Variants in ANO2 observed in about 807,000 individuals in gnomAD.
ANO2 encodes the protein anoctamin 2.
A neutral mutation model predicts 124.2 loss-of-function variants in ANO2; 101 were observed. The ratio of observed to expected loss-of-function variants is 0.81; its 90% CI spans 0.69 to 0.96. The LOEUF (loss-of-function observed/expected upper bound fraction) is 0.96. Among genes scored for constraint, ANO2 ranks in the 40% least tolerant of loss-of-function variants. The pLI is 0.00. For missense variants in ANO2, 1,293 were observed against 1,274.5 expected, an observed-to-expected ratio of 1.01 and a Z score of -0.22; for synonymous variants, 486 against 482.5, an observed-to-expected ratio of 1.01 and a Z score of -0.09.
intron 14 of ANO2, among the ~76,000 whole-genome samples, chr12:5,662,860 C>T (rs1284049591): frequency 6.6e-6 from 1 of 152,148 alleles, no homozygotes; most frequent in Admixed American, 6.6e-5. Context: ...CCAAAAAAGG[C>T]AAGTTGGGTA....
chr12:5,927,980 AG>A (rs1480976809), intron 1 of ANO2, among the ~76,000 whole-genome samples: 1 of 152,320 alleles, frequency 6.6e-6, no homozygotes, highest in East Asian at 1.9e-4. Context: ...TGTAGCTGAC[AG>A]GGGAAACACC....
intron 3 of ANO2, among the ~76,000 whole-genome samples, chr12:5,912,524 G>A (rs1387897926): frequency 3.3e-5 from 5 of 152,186 alleles, no homozygotes; most frequent in African/African-American, 1.2e-4. Context: ...AAATAGACAT[G>A]TACCTGGATT....
At chr12:5,889,523 C>T (rs898388497) in intron 3 of ANO2, among the ~76,000 whole-genome samples, 2 of 152,214 alleles carry the variant, frequency 1.3e-5, no homozygotes, top group African/African-American at 2.4e-5. Context: ...TGTCCAGGAG[C>T]GCAGGTGAGG....
intron 3 of ANO2, among the ~76,000 whole-genome samples, chr12:5,860,372 A>C (rs773003049): frequency 1.3e-5 from 2 of 152,110 alleles, no homozygotes; most frequent in Non-Finnish European, 2.9e-5. Flanking sequence ...TCTCTGCTAG[A>C]TCTGTAGCTC....
chr12:5,563,338 G>T lies in ANO2; in HGVS notation c.2958C>A (p.Gly986=). The stretch of plus-strand genomic sequence containing the variant: ...GCTGAGAGCCTGACGACATCATGCT[G>T]CCCAGCTGGCTTTGGCCTGAAGGTG... ...SSAPSGQSQL[G]SMMSSGSQHT... is the part of the protein sequence containing the mutation. The change falls in exon 25 of 25, where the codon GGC becomes GGA. Residue 986 remains glycine, a synonymous_variant. Coordinates refer to ENST00000682330, the MANE Select transcript of ANO2 (RefSeq NM_001364791.2). 2 of 1,603,626 alleles carry T rather than the reference G, an allele frequency of 1.2e-6. No individual in the cohort carries two copies. Among genetic ancestry groups the T allele is most frequent in the Non-Finnish European group, 1.7e-6 (2 of 1,176,784 alleles).
chr12:5,599,466 A>G lies in ANO2; in HGVS notation c.2233+18T>C. 2 of 1,590,286 alleles carry G rather than the reference A, an allele frequency of 1.3e-6. No individual in the cohort carries two copies. The highest frequency in any genetic ancestry group is 8.5e-7 in the Non-Finnish European group (1 of 1,172,398). ...TCTGAACCTGCCCCCAGTGGAAGGC[A>G]GGACCATGGGTTCTCACTCATTTCC... On this transcript the variant is annotated intron_variant, in intron 20 of 24. Coordinates refer to ENST00000682330, the MANE Select transcript of ANO2 (RefSeq NM_001364791.2).
chr12:5,687,293 G>A (rs536883090), intron 14 of ANO2, among the ~76,000 whole-genome samples: 5 of 152,248 alleles, frequency 3.3e-5, no homozygotes, highest in African/African-American at 4.8e-5. Context: ...TCACCACCTC[G>A]TCCTGTGCCT....
At chr12:5,856,073 T>C (rs1955088367) in intron 3 of ANO2, among the ~76,000 whole-genome samples, 1 of 152,184 alleles carries the variant, frequency 6.6e-6, no homozygotes, top group Admixed American at 6.5e-5. Flanking sequence ...TACTTCTAAC[T>C]GTAATTTAAG....
intron 7 of ANO2, among the ~76,000 whole-genome samples, chr12:5,826,227 T>A (rs1953949965): frequency 6.6e-6 from 1 of 152,154 alleles, no homozygotes. Context: ...GGTGTAATTA[T>A]GACCTTATTA....
At chr12:5,582,513 A>G (rs1479060967) in intron 20 of ANO2, among the ~76,000 whole-genome samples, 3 of 152,254 alleles carry the variant, frequency 2.0e-5, no homozygotes, top group African/African-American at 7.2e-5. Context: ...CAATCTGTTT[A>G]GAGAACACAA....
At chr12:5,812,567 AAG>A (rs1289310210) in intron 7 of ANO2, among the ~76,000 whole-genome samples, 1 of 39,424 alleles carries the variant, frequency 2.5e-5, no homozygotes, top group East Asian at 1.0e-3. Context: ...AAGAAAGAAA[AAG>A]AAAAAAAGAA....
chr12:5,747,457 T>C (rs778443405), intron 11 of ANO2, among the ~76,000 whole-genome samples: 3 of 152,202 alleles, frequency 2.0e-5, no homozygotes, highest in Non-Finnish European at 4.4e-5. Flanking sequence ...ACAATTATGT[T>C]TAAAAAACAG....
intron 10 of ANO2, among the ~76,000 whole-genome samples, chr12:5,776,537 G>A (rs1269429426): frequency 6.6e-6 from 1 of 152,232 alleles, no homozygotes; most frequent in Admixed American, 6.5e-5. Flanking sequence ...TCTTCCACGT[G>A]TCAAGTAATG....
In ANO2 at chr12:5,734,939, T is replaced by C. The variant is rs150608904; in HGVS notation, c.1435-2309A>G. 4.0e-3 allele frequency among the ~76,000 whole-genome samples: 602 copies of C among 152,274 alleles called. 4 individuals carry two copies. Among genetic ancestry groups the C allele is most frequent in the African/African-American group, 0.014 (590 of 41,558 alleles). Reference sequence around the variant, plus strand: ...TGCTGGGATTACAGGCGTGAACCACTGCACCCGGCCATAACCCTTAACTTT... The same window carrying C: ...TGCTGGGATTACAGGCGTGAACCACCGCACCCGGCCATAACCCTTAACTTT... On this transcript the variant is annotated intron_variant, in intron 13 of 24. Coordinates refer to ENST00000682330, the MANE Select transcript of ANO2 (RefSeq NM_001364791.2).
intron 16 of ANO2, among the ~76,000 whole-genome samples, chr12:5,629,919 C>T (rs900478059): frequency 1.2e-4 from 18 of 152,236 alleles, no homozygotes; most frequent in African/African-American, 3.6e-4. Flanking sequence ...CTTGCATCTA[C>T]GCTCCTGAGT....
chr12:5,758,637 C>T (rs1010422074), intron 10 of ANO2, among the ~76,000 whole-genome samples: 26 of 152,112 alleles, frequency 1.7e-4, no homozygotes, highest in African/African-American at 5.8e-4. Context: ...AAGGTAATAG[C>T]GTACTATCAC....
intron 20 of ANO2, chr12:5,584,051 C>A: frequency 3.8e-6 from 1 of 261,036 alleles, no homozygotes; most frequent in Non-Finnish European, 8.2e-6. Context: ...CAGATAAAGA[C>A]TATTTCCCGA....
intron 3 of ANO2, among the ~76,000 whole-genome samples, chr12:5,905,062 C>A (rs891429476): frequency 6.6e-6 from 1 of 152,192 alleles, no homozygotes; most frequent in Admixed American, 6.5e-5. Context: ...GAACCTCATC[C>A]CTGGAGAGGG....
At chr12:5,879,334 A>G (rs1379178806) in intron 3 of ANO2, among the ~76,000 whole-genome samples, 1 of 152,252 alleles carries the variant, frequency 6.6e-6, no homozygotes, top group Non-Finnish European at 1.5e-5. Context: ...AACTTCTGAC[A>G]TGATAAGATA....
Sources: allele counts gnomAD v4.1 joint callset (sites outside exome capture counted in the v4.1 genomes callset), GRCh38; gene constraint gnomAD v4.1.1; transcripts MANE v1.5; gene names NCBI Gene and HGNC (gene_info 2026-07-23, HGNC 2026-07-21).